The following CACNA2D1 variants were observed in gnomAD, a reference collection of about 807,000 sequenced individuals.
CACNA2D1 encodes the protein voltage-dependent calcium channel subunit alpha-2/delta-1.
Under a neutral mutation model 171.5 loss-of-function variants are expected in CACNA2D1, and 53 were observed. The observed-to-expected ratio is 0.31, with a 90% CI of 0.25 to 0.39. The LOEUF is 0.39. Ranked by LOEUF, CACNA2D1 falls within the 10% of genes least tolerant of loss-of-function variation. CACNA2D1 has a pLI of 1.00. For synonymous variants in CACNA2D1, 442 were observed against 443.1 expected, an observed-to-expected ratio of 1.00 and a Z score of 0.03; for missense variants, 903 against 1,299.8, an observed-to-expected ratio of 0.69 and a Z score of 4.69.
intron 6 of CACNA2D1, among the ~76,000 whole-genome samples, chr7:82,091,108 A>G (rs1811104383): frequency 1.3e-5 from 2 of 152,324 alleles, no homozygotes; most frequent in South Asian, 2.1e-4. Context: ...TTTAAGGAGT[A>G]GACAGTGTGC....
intron 3 of CACNA2D1, among the ~76,000 whole-genome samples, chr7:82,331,503 A>C (rs1817295471): frequency 6.6e-6 from 1 of 152,202 alleles, no homozygotes; most frequent in Non-Finnish European, 1.5e-5. Flanking sequence ...ATTTTTGTGG[A>C]ATCAAGGAAG....
At chr7:82,019,477 T>G (rs183856022) in intron 12 of CACNA2D1, among the ~76,000 whole-genome samples, 1 of 152,342 alleles carries the variant, frequency 6.6e-6, no homozygotes, top group East Asian at 1.9e-4. Flanking sequence ...TCTGGCCTAC[T>G]TGATTTGAGA....
At position 82,170,596 on chromosome 7, in the gene CACNA2D1, T is replaced by C; in HGVS notation, c.308A>G (p.Glu103Gly). 2 of 1,612,618 alleles carry C rather than the reference T, an allele frequency of 1.2e-6. No homozygotes were observed. Among genetic ancestry groups the C allele is most frequent in the Non-Finnish European group, 1.7e-6 (2 of 1,179,068 alleles). ...GTGAGCTGCTTGAACTTTCTCCGCT[T>C]CCAATGCCAGGCGCTGAAAAACAAA... is the stretch of plus-strand genomic sequence containing the variant. ...RSKALVRLAL[E>G]AEKVQAAHQW... Residue 103 changes from glutamate to glycine, a missense_variant, in exon 4 of 39, where the codon GAA (glutamate) becomes GGA (glycine). By Grantham distance (98) the Glu-to-Gly change is moderately conservative. Transcript: ENST00000356860.
At chr7:81,988,010 G>A (rs913882691) in intron 21 of CACNA2D1, among the ~76,000 whole-genome samples, 2 of 152,118 alleles carry the variant, frequency 1.3e-5, no homozygotes, top group Admixed American at 6.6e-5. Flanking sequence ...GGGTGCATGC[G>A]GAAAAGAGGT....
At chr7:82,222,725 CTTTT>C (rs1801903593) in intron 3 of CACNA2D1, among the ~76,000 whole-genome samples, 1 of 128,356 alleles carries the variant, frequency 7.8e-6, no homozygotes, top group Non-Finnish European at 1.9e-5. Context: ...GGGCAGGAAT[CTTTT>C]CTTTTCTTAT....
At chr7:82,057,581 A>G (rs1806085228) in intron 10 of CACNA2D1, among the ~76,000 whole-genome samples, 1 of 151,260 alleles carries the variant, frequency 6.6e-6, no homozygotes, top group South Asian at 2.1e-4. Flanking sequence ...AAAAAAAATA[A>G]GTGATGCTAC....
At chr7:82,056,904 T>C (rs559100283) in intron 10 of CACNA2D1, among the ~76,000 whole-genome samples, 170 of 151,996 alleles carry the variant, frequency 1.1e-3, no homozygotes, top group African/African-American at 4.0e-3. Context: ...CATGTTATAG[T>C]ACAGGGAGTC....
chr7:82,254,360 C>G (rs1172757415), intron 3 of CACNA2D1, among the ~76,000 whole-genome samples: 1 of 152,030 alleles, frequency 6.6e-6, no homozygotes, highest in East Asian at 1.9e-4. Flanking sequence ...TTGCTTTAAA[C>G]CTTTCTTTGT....
intron 3 of CACNA2D1, among the ~76,000 whole-genome samples, chr7:82,275,586 A>T (rs1464221497): frequency 6.6e-6 from 1 of 152,096 alleles, no homozygotes; most frequent in Non-Finnish European, 1.5e-5. Flanking sequence ...ACTCTCCAGC[A>T]TGACAAACAC....
At chr7:82,277,206 C>T (rs184364291) in intron 3 of CACNA2D1, among the ~76,000 whole-genome samples, 1 of 151,934 alleles carries the variant, frequency 6.6e-6, no homozygotes, top group Non-Finnish European at 1.5e-5. Context: ...TGCGTTTTGC[C>T]TTTTCTTTTG....
At chr7:82,424,306 T>A (rs1828983025) in intron 1 of CACNA2D1, among the ~76,000 whole-genome samples, 1 of 152,152 alleles carries the variant, frequency 6.6e-6, no homozygotes, top group South Asian at 2.1e-4. Context: ...TAAAGGAAAT[T>A]TACTGAGCAC....
intron 1 of CACNA2D1, among the ~76,000 whole-genome samples, chr7:82,377,169 A>G (rs1823112321): frequency 6.6e-6 from 1 of 152,196 alleles, no homozygotes; most frequent in Non-Finnish European, 1.5e-5. Flanking sequence ...ATAAAAATTG[A>G]TTCATTTTTA....
intron 3 of CACNA2D1, among the ~76,000 whole-genome samples, chr7:82,287,726 T>G (rs922274896): frequency 6.6e-6 from 1 of 152,154 alleles, no homozygotes; most frequent in Non-Finnish European, 1.5e-5. Context: ...TTAAAAATGA[T>G]GCAGACAATT....
chr7:82,148,647 G>T (rs1793429983), intron 4 of CACNA2D1, among the ~76,000 whole-genome samples: 1 of 151,912 alleles, frequency 6.6e-6, no homozygotes, highest in Non-Finnish European at 1.5e-5. Flanking sequence ...CTTGTTTTTT[G>T]TTTTTTTGGA....
At chr7:82,283,186 A>C (rs2129378665) in intron 3 of CACNA2D1, among the ~76,000 whole-genome samples, 1 of 152,252 alleles carries the variant, frequency 6.6e-6, no homozygotes, top group East Asian at 1.9e-4. Context: ...AAAAAATTTC[A>C]TTTCAGAAAA....
At chr7:82,237,114 T>A (rs1803670524) in intron 3 of CACNA2D1, among the ~76,000 whole-genome samples, 1 of 151,920 alleles carries the variant, frequency 6.6e-6, no homozygotes, top group Admixed American at 6.6e-5. Flanking sequence ...GTGTCTTTTT[T>A]AAATAGCTGG....
At position 82,123,785 on chromosome 7, in the gene CACNA2D1, G is replaced by A. The variant is rs775446655; in HGVS notation, c.397-6612C>T. Among the ~76,000 whole-genome samples, 22 of 152,058 alleles carry A rather than the reference G, an allele frequency of 1.4e-4. 1 individual carries two copies. Among genetic ancestry groups the A allele is most frequent in the South Asian group, 4.1e-4 (2 of 4,828 alleles). On this transcript the variant is annotated intron_variant, in intron 5 of 38. Transcript: ENST00000356860. ...AATATATGTGCCACAAAGGGTTCTC[G>A]TGAATTGTAAATGATACATAAAGTT...
chr7:82,270,412 C>T (rs948348646), intron 3 of CACNA2D1, among the ~76,000 whole-genome samples: 2 of 152,112 alleles, frequency 1.3e-5, no homozygotes, highest in Admixed American at 6.5e-5. Flanking sequence ...ATTGTTGCTA[C>T]GTACAGAAAT....
At chr7:81,970,817 G>T in intron 26 of CACNA2D1, 80 bp from the exon 27 acceptor site, 1 of 828,660 alleles carries the variant, frequency 1.2e-6, no homozygotes, top group Non-Finnish European at 2.1e-6. Flanking sequence ...GATACAAAGA[G>T]AAGTAAGTTT....
Sources: allele counts gnomAD v4.1 joint callset (sites outside exome capture counted in the v4.1 genomes callset), GRCh38; gene constraint gnomAD v4.1.1; transcripts MANE v1.5; gene names NCBI Gene and HGNC (gene_info 2026-07-23, HGNC 2026-07-21).